Variants in ACCSL observed in about 807,000 individuals in gnomAD.
ACCSL encodes the protein 1-aminocyclopropane-1-carboxylate synthase homolog (inactive) like, also known as probable inactive 1-aminocyclopropane-1-carboxylate synthase-like protein 2.
In ACCSL, 55 loss-of-function variants were observed where a neutral mutation model predicts 61.7. The ratio of observed to expected loss-of-function variants is 0.89; its 90% CI spans 0.72 to 1.12. The LOEUF (loss-of-function observed/expected upper bound fraction) is 1.12. ACCSL is among the 50% of genes most tolerant of loss of function. ACCSL has a pLI of 0.00. For synonymous variants in ACCSL, 258 were observed against 264.3 expected (o/e 0.98, Z 0.23); for missense variants, 632 against 698.0 (o/e 0.91, Z 1.07).
the ACCSL span, among the ~76,000 whole-genome samples, chr11:44,016,588 G>A: frequency 6.6e-6 from 1 of 152,250 alleles, no homozygotes; most frequent in Non-Finnish European, 1.5e-5. Context: ...ATCTGTTCAG[G>A]TTGGGGGTCC....
the ACCSL span, among the ~76,000 whole-genome samples, chr11:43,955,483 T>C: frequency 1.3e-5 from 2 of 152,154 alleles, no homozygotes; most frequent in Non-Finnish European, 2.9e-5. Flanking sequence ...GATATGAGGC[T>C]GGCCACACCA....
the ACCSL span, among the ~76,000 whole-genome samples, chr11:44,026,342 T>G: frequency 2.8e-4 from 43 of 152,324 alleles, 1 homozygote; most frequent in African/African-American, 9.9e-4. Context: ...GTTCAGCTAT[T>G]GTGCTTTTAA....
intron 8 of ACCSL, 39 bp downstream of exon 8, chr11:44,053,545 G>A: frequency 6.4e-7 from 1 of 1,560,236 alleles, no homozygotes; most frequent in Non-Finnish European, 8.8e-7. Context: ...AATGTTTCTT[G>A]AAAGGATTCC....
the ACCSL span, chr11:43,942,640 C>T: frequency 3.6e-6 from 1 of 277,844 alleles, no homozygotes; most frequent in Non-Finnish European, 7.2e-6. Flanking sequence ...GCGGGGCAGA[C>T]GGCGACAGCA....
the ACCSL span, among the ~76,000 whole-genome samples, chr11:43,996,663 C>T: frequency 6.6e-6 from 1 of 152,096 alleles, no homozygotes; most frequent in Non-Finnish European, 1.5e-5. Context: ...TGCAGGTTCT[C>T]TCTCCCAGAG....
the ACCSL span, among the ~76,000 whole-genome samples, chr11:43,972,895 C>A: frequency 6.6e-6 from 1 of 152,180 alleles, no homozygotes; most frequent in Non-Finnish European, 1.5e-5. Context: ...GTAATCCTAG[C>A]ACTTTGGGAG....
the ACCSL span, among the ~76,000 whole-genome samples, chr11:43,978,515 C>T: frequency 6.6e-6 from 1 of 152,182 alleles, no homozygotes. Context: ...GTGATCCTGG[C>T]AAGGTACAGG....
At chr11:44,026,423 A>G in the ACCSL span, among the ~76,000 whole-genome samples, 1 of 152,188 alleles carries the variant, frequency 6.6e-6, no homozygotes, top group Non-Finnish European at 1.5e-5. Context: ...TTGGTGAGAC[A>G]TTGTTCTCAT....
At chr11:43,981,567 A>G in the ACCSL span, among the ~76,000 whole-genome samples, 1,558 of 152,342 alleles carry the variant, frequency 0.01, 30 homozygotes, top group African/African-American at 0.036. Flanking sequence ...ACATATGTCC[A>G]TCCTAATTAT....
At chr11:43,929,829 AACCACCGT>A in the ACCSL span, among the ~76,000 whole-genome samples, 1 of 152,128 alleles carries the variant, frequency 6.6e-6, no homozygotes, top group African/African-American at 2.4e-5. Context: ...TACAGGTGTG[AACCACCGT>A]ACCTGGCCTC....
At chr11:43,923,102 G>A in the ACCSL span, among the ~76,000 whole-genome samples, 20 of 152,272 alleles carry the variant, frequency 1.3e-4, no homozygotes, top group African/African-American at 4.3e-4. Context: ...GCCCTAGTGC[G>A]TGGCAGGTCT....
chr11:43,966,378 A>G, the ACCSL span, among the ~76,000 whole-genome samples: 1 of 151,444 alleles, frequency 6.6e-6, no homozygotes, highest in East Asian at 1.9e-4. Context: ...GTCAGCTGAG[A>G]TCGTGCCACT....
the ACCSL span, among the ~76,000 whole-genome samples, chr11:43,990,259 C>T: frequency 6.6e-6 from 1 of 152,218 alleles, no homozygotes; most frequent in African/African-American, 2.4e-5. Flanking sequence ...TTAGTCCGTT[C>T]TGCTGCTGCA....
At chr11:43,990,792 G>A in the ACCSL span, among the ~76,000 whole-genome samples, 25 of 152,130 alleles carry the variant, frequency 1.6e-4, no homozygotes, top group Non-Finnish European at 3.5e-4. Context: ...CTAAAGCCAG[G>A]GGTGTGCCGT....
the ACCSL span, among the ~76,000 whole-genome samples, chr11:43,981,994 G>A: frequency 2.0e-5 from 3 of 152,200 alleles, no homozygotes; most frequent in Non-Finnish European, 4.4e-5. Context: ...TGAGTAGCTA[G>A]AGTCCGTTTG....
the ACCSL span, chr11:43,945,438 CTCTTTCTACTCT>C: frequency 6.6e-6 from 1 of 152,238 alleles, no homozygotes; most frequent in Non-Finnish European, 1.5e-5. Flanking sequence ...GCAGCAGCTC[CTCTTTCTACTCT>C]TCAGGAGCTA....
chr11:43,923,105 G>C, the ACCSL span, among the ~76,000 whole-genome samples: 1 of 152,198 alleles, frequency 6.6e-6, no homozygotes, highest in East Asian at 1.9e-4. Context: ...CTAGTGCGTG[G>C]CAGGTCTGTC....
chr11:44,033,509 C>T, the ACCSL span, among the ~76,000 whole-genome samples: 17 of 152,258 alleles, frequency 1.1e-4, no homozygotes, highest in African/African-American at 3.9e-4. Context: ...ACACGGCCAC[C>T]ACTGTTGTCT....
the ACCSL span, among the ~76,000 whole-genome samples, chr11:43,987,528 C>T: frequency 1.3e-5 from 2 of 152,152 alleles, no homozygotes; most frequent in Non-Finnish European, 2.9e-5. Flanking sequence ...GGCCTGTGGT[C>T]AGTGTCCAGC....
Sources: allele counts gnomAD v4.1 joint callset (sites outside exome capture counted in the v4.1 genomes callset), GRCh38; gene constraint gnomAD v4.1.1; transcripts MANE v1.5; gene names NCBI Gene and HGNC (gene_info 2026-07-23, HGNC 2026-07-21).